Variants in DLGAP2 observed in about 807,000 individuals in gnomAD.
DLGAP2 encodes the protein disks large-associated protein 2.
A neutral mutation model predicts 100.3 loss-of-function variants in DLGAP2; 26 were observed. The ratio of observed to expected loss-of-function variants is 0.26; its 90% CI spans 0.19 to 0.36. The LOEUF (loss-of-function observed/expected upper bound fraction) is 0.36. Ranked by LOEUF, DLGAP2 falls within the 10% of genes least tolerant of loss-of-function variation. DLGAP2 has a pLI of 1.00. For missense variants in DLGAP2, 1,858 were observed against 1,453.2 expected (o/e 1.28, Z -4.53); for synonymous variants, 886 against 630.1 (o/e 1.41, Z -6.08).
At chr8:748,461 G>A (rs531784968) in intron 1 of DLGAP2, among the ~76,000 whole-genome samples, 5 of 152,140 alleles carry the variant, frequency 3.3e-5, no homozygotes, top group Non-Finnish European at 5.9e-5. Context: ...GGCCATGTGG[G>A]CGTTGGTGGG....
intron 2 of DLGAP2, among the ~76,000 whole-genome samples, chr8:1,078,446 C>T (rs1020137512): frequency 7.2e-5 from 11 of 152,278 alleles, no homozygotes; most frequent in Admixed American, 6.5e-4. Context: ...TCACATCCAG[C>T]CTTGGTGTTG....
chr8:822,565 C>T (rs1027282749), intron 1 of DLGAP2, among the ~76,000 whole-genome samples: 5 of 152,318 alleles, frequency 3.3e-5, no homozygotes, highest in South Asian at 2.1e-4. Flanking sequence ...AGCAGGGCCA[C>T]GTCACTGCGT....
intron 1 of DLGAP2, among the ~76,000 whole-genome samples, chr8:819,859 G>T (rs560161003): frequency 6.6e-6 from 1 of 152,334 alleles, no homozygotes; most frequent in South Asian, 2.1e-4. Context: ...TGGAAGTGGT[G>T]ACTGTGGATT....
intron 3 of DLGAP2, among the ~76,000 whole-genome samples, chr8:1,322,239 G>A (rs1051470224): frequency 5.9e-5 from 9 of 152,236 alleles, no homozygotes; most frequent in African/African-American, 1.4e-4. Flanking sequence ...ATAGAAATTC[G>A]AGTATTTCAT....
At chr8:1,172,834 C>T (rs1023095730) in intron 2 of DLGAP2, among the ~76,000 whole-genome samples, 7 of 152,062 alleles carry the variant, frequency 4.6e-5, no homozygotes, top group Non-Finnish European at 7.4e-5. Context: ...TTTGAATTTC[C>T]TCCTGTAGCT....
At chr8:757,292 C>G (rs1408805115) in intron 1 of DLGAP2, among the ~76,000 whole-genome samples, 1 of 152,178 alleles carries the variant, frequency 6.6e-6, no homozygotes, top group Non-Finnish European at 1.5e-5. Context: ...ATGTAAAATA[C>G]CGCAATCCAG....
chr8:902,270 A>G (rs950334654), intron 1 of DLGAP2, among the ~76,000 whole-genome samples: 1 of 151,676 alleles, frequency 6.6e-6, no homozygotes, highest in South Asian at 2.1e-4. Flanking sequence ...CTGAGCCCCC[A>G]TGGTATCTGG....
chr8:1,704,684 A>C lies in DLGAP2; in HGVS notation c.*3278A>C, dbSNP rs1317717257. 2 of 152,254 alleles carry C rather than the reference A, an allele frequency of 1.3e-5. No homozygotes were observed. Among genetic ancestry groups the C allele is most frequent in the African/African-American group, 2.4e-5 (1 of 41,470 alleles). 9.4% of individuals were successfully genotyped at this position (152,254 alleles called of 1,614,324 possible). A position where few individuals can be genotyped will look rare whatever the true frequency, so the allele number is the denominator to read the frequency against. ...AGGAAATGTTGATGTTTTCAACTCC[A>C]AATCAATTCTAAAAACTTCAAGCAC... On this transcript the variant is annotated 3_prime_UTR_variant, in exon 15 of 15. Coordinates refer to ENST00000637795, the MANE Select transcript of DLGAP2 (RefSeq NM_001346810.2).
chr8:1,288,826 T>A lies in DLGAP2; in HGVS notation c.106+29943T>A, dbSNP rs1799997117. 2.0e-5 allele frequency among the ~76,000 whole-genome samples: 3 copies of A among 152,198 alleles called. No individual in the cohort carries two copies. The South Asian group carries it at 6.2e-4, about 32-fold the overall frequency. Reference sequence around the variant, plus strand: ...GGAACTAGTTTCGGTTCAGTGTGTGTGTGTACATGGTTCTGTTAGGTTCTA... The same window carrying A: ...GGAACTAGTTTCGGTTCAGTGTGTGAGTGTACATGGTTCTGTTAGGTTCTA... On this transcript the variant is annotated intron_variant, in intron 3 of 14. Coordinates refer to ENST00000637795, the MANE Select transcript of DLGAP2 (RefSeq NM_001346810.2).
intron 5 of DLGAP2, among the ~76,000 whole-genome samples, chr8:1,551,838 T>C (rs866939377): frequency 1.3e-5 from 2 of 152,186 alleles, no homozygotes; most frequent in African/African-American, 2.4e-5. Context: ...CTGCATTATA[T>C]CATCCTGGTC....
At chr8:1,243,767 C>G (rs552065018) in intron 2 of DLGAP2, among the ~76,000 whole-genome samples, 1 of 152,162 alleles carries the variant, frequency 6.6e-6, no homozygotes, top group East Asian at 1.9e-4. Context: ...GCTGTCTCTT[C>G]TCTCAGGTGG....
chr8:1,474,068 G>T (rs997536009), intron 3 of DLGAP2, among the ~76,000 whole-genome samples: 6 of 151,992 alleles, frequency 3.9e-5, no homozygotes, highest in African/African-American at 1.5e-4. Flanking sequence ...AAAGTCCATT[G>T]TATCATTCTT....
rs546384800 is a variant in DLGAP2 at position 1,004,581 on chromosome 8, A to T, written c.73+96615A>T. ...TCTCTTGAGTTTCAGACCCTCCTGT[A>T]TAGTGCCTGTGAAGGGATCGGATTG... On this transcript the variant is annotated intron_variant, in intron 2 of 14. Coordinates refer to ENST00000637795, the MANE Select transcript of DLGAP2 (RefSeq NM_001346810.2). Among the ~76,000 whole-genome samples the T allele has an allele frequency of 3.3e-5, 5 of 152,304 alleles. No individual in the cohort carries two copies. In the South Asian group the frequency reaches 1.0e-3, roughly 32 times the overall value.
chr8:965,863 C>T (rs1799857488), intron 2 of DLGAP2, among the ~76,000 whole-genome samples: 1 of 152,082 alleles, frequency 6.6e-6, no homozygotes, highest in East Asian at 1.9e-4. Context: ...CAGAGCCCGA[C>T]CCCCGCATGC....
intron 2 of DLGAP2, among the ~76,000 whole-genome samples, chr8:1,071,029 C>T (rs1222624020): frequency 7.9e-5 from 12 of 152,154 alleles, no homozygotes; most frequent in Non-Finnish European, 1.5e-4. Flanking sequence ...GATTCAGCGC[C>T]GGCACCTCAC....
At position 1,419,205 on chromosome 8, in the gene DLGAP2, CGT is replaced by C. The variant is rs59073892; in HGVS notation, c.107-82134_107-82133del. ...ATACTGTGTTACACTCTGATGCGTGCGTGTGTGTGTGTGTGTGTGTGTGTGTG... is the reference window on the plus strand; with the variant it reads ...ATACTGTGTTACACTCTGATGCGTGCGTGTGTGTGTGTGTGTGTGTGTGTG... On this transcript the variant is annotated intron_variant, in intron 3 of 14. Transcript: ENST00000637795. Among the ~76,000 whole-genome samples, 427 of 73,760 alleles carry C rather than the reference CGT, an allele frequency of 5.8e-3. 1 individual carries two copies. The highest frequency in any genetic ancestry group is 0.014 in the Middle Eastern group (2 of 148). The allele number at this position is 73,760 out of a possible 152,430, so 48.4% of individuals were successfully genotyped here.
intron 3 of DLGAP2, among the ~76,000 whole-genome samples, chr8:1,442,566 C>A (rs1205347618): frequency 1.4e-5 from 2 of 144,490 alleles, no homozygotes; most frequent in Non-Finnish European, 3.0e-5. Context: ...CGGGCGTAGA[C>A]CCGCCAGGCT....
intron 1 of DLGAP2, among the ~76,000 whole-genome samples, chr8:897,666 C>T (rs961792177): frequency 4.6e-5 from 7 of 152,190 alleles, no homozygotes; most frequent in Non-Finnish European, 1.0e-4. Flanking sequence ...CCTTCCCTGC[C>T]CCGGCAGCCG....
chr8:1,120,411 A>G (rs1454496180), intron 2 of DLGAP2, among the ~76,000 whole-genome samples: 1 of 152,208 alleles, frequency 6.6e-6, no homozygotes, highest in Non-Finnish European at 1.5e-5. Context: ...CATGACAGCT[A>G]TGCTGGTATC....
Sources: gnomAD v4.1 joint callset for allele counts (sites outside exome capture counted in the v4.1 genomes callset) on GRCh38, gnomAD v4.1.1 for gene constraint, MANE v1.5 for transcripts, NCBI Gene and HGNC (gene_info 2026-07-23, HGNC 2026-07-21) for gene names.